The following PLCXD3 variants were observed in gnomAD, a reference collection of about 807,000 sequenced individuals.
The protein encoded by PLCXD3 is phosphatidylinositol specific phospholipase C X domain containing 3, also known as PI-PLC X domain-containing protein 3.
Under a neutral mutation model 25.5 loss-of-function variants are expected in PLCXD3, and 19 were observed. The ratio of observed to expected loss-of-function variants is 0.75; its 90% CI spans 0.52 to 1.09. PLCXD3 has a LOEUF of 1.09. Ranked by LOEUF, PLCXD3 falls within the 50% of genes least tolerant of loss-of-function variation. The pLI, the probability that PLCXD3 is intolerant of heterozygous loss-of-function variation, is 0.00. For synonymous variants in PLCXD3, 174 were observed against 137.6 expected (o/e 1.26, Z -1.85); for missense variants, 411 against 388.1 (o/e 1.06, Z -0.50).
intron 1 of PLCXD3, among the ~76,000 whole-genome samples, chr5:41,438,801 G>GAA (rs1747314697): frequency 9.5e-6 from 1 of 105,582 alleles, no homozygotes. Flanking sequence ...CCTGTCATTA[G>GAA]GAAAAAAAAA....
At chr5:41,445,927 C>T (rs1476451939) in intron 1 of PLCXD3, among the ~76,000 whole-genome samples, 1 of 151,772 alleles carries the variant, frequency 6.6e-6, no homozygotes, top group Non-Finnish European at 1.5e-5. Flanking sequence ...GTGGCTCACG[C>T]CTGTAATCCC....
At chr5:41,319,788 G>A (rs964810116) in intron 2 of PLCXD3, among the ~76,000 whole-genome samples, 2 of 151,708 alleles carry the variant, frequency 1.3e-5, no homozygotes, top group Non-Finnish European at 2.9e-5. Context: ...CAATTGAAAT[G>A]AAAAAAATAC....
At chr5:41,477,119 TTA>T (rs1255085975) in intron 1 of PLCXD3, among the ~76,000 whole-genome samples, 2 of 152,174 alleles carry the variant, frequency 1.3e-5, no homozygotes, top group African/African-American at 4.8e-5. Flanking sequence ...GGAGCCCATG[TTA>T]TATGTTTCTG....
chr5:41,348,084 A>C (rs1037970611), intron 2 of PLCXD3, among the ~76,000 whole-genome samples: 1 of 152,232 alleles, frequency 6.6e-6, no homozygotes, highest in Non-Finnish European at 1.5e-5. Flanking sequence ...GTTATTAGTT[A>C]ACATATCATG....
intron 2 of PLCXD3, among the ~76,000 whole-genome samples, chr5:41,362,343 A>C: frequency 6.6e-6 from 1 of 152,202 alleles, no homozygotes; most frequent in East Asian, 1.9e-4. Context: ...CTTTGAAATC[A>C]GACTGACACA....
intron 1 of PLCXD3, among the ~76,000 whole-genome samples, chr5:41,413,777 A>C (rs1013020368): frequency 6.6e-6 from 1 of 152,224 alleles, no homozygotes; most frequent in Non-Finnish European, 1.5e-5. Context: ...AGTACAATAA[A>C]AATCACCTAT....
intron 1 of PLCXD3, among the ~76,000 whole-genome samples, chr5:41,414,684 T>C (rs1746652492): frequency 6.6e-6 from 1 of 152,224 alleles, no homozygotes; most frequent in African/African-American, 2.4e-5. Flanking sequence ...CCCAAAAATG[T>C]TAAATGGAAA....
chr5:41,505,012 A>G (rs1204382706), intron 1 of PLCXD3, among the ~76,000 whole-genome samples: 1 of 151,982 alleles, frequency 6.6e-6, no homozygotes, highest in Non-Finnish European at 1.5e-5. Flanking sequence ...AATATTCCCT[A>G]TTTTCATTAC....
intron 2 of PLCXD3, among the ~76,000 whole-genome samples, chr5:41,371,932 A>G (rs1172727823): frequency 1.3e-5 from 2 of 152,104 alleles, no homozygotes; most frequent in African/African-American, 4.8e-5. Flanking sequence ...TCATCTACTG[A>G]TATCTCATGA....
intron 2 of PLCXD3, among the ~76,000 whole-genome samples, chr5:41,362,088 A>C (rs1744797373): frequency 1.3e-5 from 2 of 152,338 alleles, no homozygotes; most frequent in South Asian, 4.1e-4. Context: ...GGCAAGAATC[A>C]GTGACACTCT....
intron 2 of PLCXD3, among the ~76,000 whole-genome samples, chr5:41,330,366 G>A (rs887458729): frequency 1.3e-5 from 2 of 152,178 alleles, no homozygotes; most frequent in East Asian, 1.9e-4. Context: ...TAAATTCCTC[G>A]ACACATACGC....
chr5:41,449,509 C>A (rs958111933), intron 1 of PLCXD3, among the ~76,000 whole-genome samples: 3 of 152,050 alleles, frequency 2.0e-5, no homozygotes, highest in Non-Finnish European at 2.9e-5. Context: ...TGCCCAAAAG[C>A]AGACTATGAG....
chr5:41,469,091 G>A (rs1260676739), intron 1 of PLCXD3, among the ~76,000 whole-genome samples: 4 of 152,058 alleles, frequency 2.6e-5, no homozygotes, highest in Middle Eastern at 6.3e-3. Context: ...ATGAATAGTT[G>A]TTAAATTTTA....
At chr5:41,384,299 T>C (rs1049913993) in intron 1 of PLCXD3, among the ~76,000 whole-genome samples, 3 of 152,100 alleles carry the variant, frequency 2.0e-5, no homozygotes, top group Admixed American at 1.3e-4. Context: ...TGCTATTCAT[T>C]TGACTGCTAA....
chr5:41,480,789 C>T (rs978703101), intron 1 of PLCXD3, among the ~76,000 whole-genome samples: 7 of 151,858 alleles, frequency 4.6e-5, no homozygotes, highest in East Asian at 3.9e-4. Flanking sequence ...GGTGTGGTGG[C>T]GGGCACCTGT....
intron 1 of PLCXD3, among the ~76,000 whole-genome samples, chr5:41,480,543 A>C (rs895954133): frequency 1.3e-5 from 2 of 151,434 alleles, no homozygotes; most frequent in South Asian, 4.2e-4. Context: ...TTTTAATCTC[A>C]CTCTTGTGGA....
chr5:41,312,171 T>C lies in PLCXD3; in HGVS notation c.*1446A>G, dbSNP rs1743149858. ...AAGTAACGCTCAAGCTGTGTCATTG[T>C]TCTTCCCTGTAGACCCGGACTATTA... is the stretch of plus-strand genomic sequence containing the variant. On this transcript the variant is annotated 3_prime_UTR_variant, in exon 3 of 3. Coordinates refer to ENST00000377801, the MANE Select transcript of PLCXD3 (RefSeq NM_001005473.3). 1 of 152,494 alleles carries C rather than the reference T, an allele frequency of 6.6e-6. No individual in the cohort carries two copies. Among genetic ancestry groups the C allele is most frequent in the Non-Finnish European group, 1.5e-5 (1 of 68,010 alleles). 9.4% of individuals were successfully genotyped at this position (152,494 alleles called of 1,614,324 possible).
At chr5:41,338,636 G>A (rs1744050258) in intron 2 of PLCXD3, among the ~76,000 whole-genome samples, 1 of 151,818 alleles carries the variant, frequency 6.6e-6, no homozygotes, top group Non-Finnish European at 1.5e-5. Flanking sequence ...ACTATTACAA[G>A]TTTCTTTCTG....
At chr5:41,446,888 T>C (rs562429363) in intron 1 of PLCXD3, among the ~76,000 whole-genome samples, 19 of 152,352 alleles carry the variant, frequency 1.2e-4, no homozygotes, top group Non-Finnish European at 2.2e-4. Flanking sequence ...TAGATACCCG[T>C]CTTCTAGACA....
Sources: gnomAD v4.1 joint callset for allele counts (sites outside exome capture counted in the v4.1 genomes callset) on GRCh38, gnomAD v4.1.1 for gene constraint, MANE v1.5 for transcripts, NCBI Gene and HGNC (gene_info 2026-07-23, HGNC 2026-07-21) for gene names.